Variants in CNTNAP4 observed in about 807,000 individuals in gnomAD.
The protein encoded by CNTNAP4 is contactin-associated protein-like 4.
In CNTNAP4, 98 loss-of-function variants were observed where a neutral mutation model predicts 148.4. The observed-to-expected ratio is 0.66, with a 90% confidence interval of 0.56 to 0.78. The LOEUF (loss-of-function observed/expected upper bound fraction) is 0.78. Among genes scored for constraint, CNTNAP4 ranks in the 30% least tolerant of loss-of-function variants. The pLI, the probability that CNTNAP4 is intolerant of heterozygous loss-of-function variation, is 0.00. For synonymous variants in CNTNAP4, 730 were observed against 565.1 expected (o/e 1.29, Z -4.14); for missense variants, 1,935 against 1,565.6 (o/e 1.24, Z -3.98).
intron 15 of CNTNAP4, among the ~76,000 whole-genome samples, chr16:76,503,369 A>G (rs2082724010): frequency 6.6e-6 from 1 of 152,144 alleles, no homozygotes; most frequent in South Asian, 2.1e-4. Context: ...AGTGGCAAAA[A>G]CTGCAATTAC....
intron 4 of CNTNAP4, among the ~76,000 whole-genome samples, chr16:76,428,491 G>T (rs2145055607): frequency 6.6e-6 from 1 of 150,976 alleles, no homozygotes; most frequent in East Asian, 2.0e-4. Flanking sequence ...CTGTCACTTT[G>T]TGATGTAAGC....
intron 12 of CNTNAP4, among the ~76,000 whole-genome samples, chr16:76,484,185 A>T (rs1257938480): frequency 6.7e-6 from 1 of 148,660 alleles, no homozygotes; most frequent in African/African-American, 2.4e-5. Context: ...GTGTGTGGGG[A>T]AAGAGAGAGA....
chr16:76,503,899 A>G (rs12447315), intron 15 of CNTNAP4, among the ~76,000 whole-genome samples: 30,028 of 152,066 alleles, frequency 0.2, 3,243 homozygotes, highest in Admixed American at 0.32. Context: ...TTTTTATACT[A>G]GCACCAACAA....
intron 2 of CNTNAP4, among the ~76,000 whole-genome samples, chr16:76,344,059 G>A (rs564989795): frequency 6.6e-6 from 1 of 152,160 alleles, no homozygotes; most frequent in South Asian, 2.1e-4. Flanking sequence ...CATGCATAGG[G>A]GAATATTGTA....
chr16:76,384,312 G>A (rs1192289474), intron 3 of CNTNAP4, among the ~76,000 whole-genome samples: 2 of 152,068 alleles, frequency 1.3e-5, no homozygotes, highest in African/African-American at 4.8e-5. Flanking sequence ...AAAGTGCTGG[G>A]ATTACAGGCT....
At chr16:76,413,987 C>T (rs1029248414) in intron 3 of CNTNAP4, among the ~76,000 whole-genome samples, 41 of 151,220 alleles carry the variant, frequency 2.7e-4, no homozygotes, top group African/African-American at 9.7e-4. Flanking sequence ...CATTTGCACT[C>T]ATACACCTAT....
intron 8 of CNTNAP4, among the ~76,000 whole-genome samples, chr16:76,457,624 T>A (rs1216385865): frequency 2.0e-5 from 3 of 152,108 alleles, no homozygotes; most frequent in Non-Finnish European, 2.9e-5. Context: ...CTACTCAAAG[T>A]ATGGGTCCTG....
intron 21 of CNTNAP4, among the ~76,000 whole-genome samples, chr16:76,545,134 A>G (rs1017025773): frequency 6.6e-6 from 1 of 152,268 alleles, no homozygotes; most frequent in Admixed American, 6.5e-5. Flanking sequence ...CAAGAAAAGT[A>G]AAATCAAAAT....
intron 1 of CNTNAP4, among the ~76,000 whole-genome samples, chr16:76,278,701 A>C (rs1958575756): frequency 6.6e-6 from 1 of 152,230 alleles, no homozygotes; most frequent in Non-Finnish European, 1.5e-5. Flanking sequence ...GCTTTCCAAG[A>C]ACTGGCTATG....
In CNTNAP4 at chr16:76,522,629, C is replaced by A. The variant is rs1157902287; in HGVS notation, c.2755+372C>A. Among the ~76,000 whole-genome samples, 3 of 119,904 alleles carry A rather than the reference C, an allele frequency of 2.5e-5. No individual in the cohort carries two copies. In the Admixed American group the frequency reaches 2.5e-4, roughly 10 times the overall value. The allele number at this position is 119,904 out of a possible 152,430, so 78.7% of individuals were successfully genotyped here. ...TCTTTATTTCCTTCCTTCCTTCCTT[C>A]CTTCCTTCTTTCTTTCTTTTCTCTC... On this transcript the variant is annotated intron_variant, in intron 17 of 23. Coordinates refer to ENST00000611870, the MANE Select transcript of CNTNAP4 (RefSeq NM_033401.5).
chr16:76,363,027 C>G (rs1459435095), intron 3 of CNTNAP4, among the ~76,000 whole-genome samples: 1 of 151,012 alleles, frequency 6.6e-6, no homozygotes, highest in Admixed American at 6.6e-5. Flanking sequence ...TCAAGACCAG[C>G]CTGGGCAATA....
intron 15 of CNTNAP4, among the ~76,000 whole-genome samples, chr16:76,501,149 T>G (rs1353202415): frequency 1.3e-5 from 2 of 152,232 alleles, no homozygotes; most frequent in Non-Finnish European, 2.9e-5. Flanking sequence ...CTCTACTTCC[T>G]GTTCTACCAG....
chr16:76,491,412 T>C (rs1217161629), intron 13 of CNTNAP4, among the ~76,000 whole-genome samples: 22 of 152,328 alleles, frequency 1.4e-4, no homozygotes, highest in Non-Finnish European at 2.9e-5. Context: ...CAGTCTTTGT[T>C]TTCTTTTCTC....
At chr16:76,282,790 G>A (rs564995089) in intron 1 of CNTNAP4, among the ~76,000 whole-genome samples, 4 of 151,480 alleles carry the variant, frequency 2.6e-5, no homozygotes, top group African/African-American at 7.3e-5. Flanking sequence ...TTTTATTTAC[G>A]CTATACTTTT....
intron 21 of CNTNAP4, among the ~76,000 whole-genome samples, chr16:76,544,063 C>T (rs2084586901): frequency 6.6e-6 from 1 of 152,124 alleles, no homozygotes; most frequent in Non-Finnish European, 1.5e-5. Flanking sequence ...ACAAAATGTG[C>T]CTTTGTATCG....
At chr16:76,514,934 C>G (rs2083188026) in intron 15 of CNTNAP4, among the ~76,000 whole-genome samples, 1 of 152,106 alleles carries the variant, frequency 6.6e-6, no homozygotes, top group Non-Finnish European at 1.5e-5. Context: ...TTCACATCAG[C>G]ATTTCAACAT....
chr16:76,340,857 C>T (rs1198826816), intron 2 of CNTNAP4, among the ~76,000 whole-genome samples: 1 of 152,144 alleles, frequency 6.6e-6, no homozygotes, highest in Non-Finnish European at 1.5e-5. Context: ...TCTGCACTGC[C>T]AATCAGCAAT....
intron 3 of CNTNAP4, among the ~76,000 whole-genome samples, chr16:76,355,793 T>A (rs916368763): frequency 6.6e-6 from 1 of 151,786 alleles, no homozygotes; most frequent in Non-Finnish European, 1.5e-5. Context: ...TAAATAAGAC[T>A]TGTATAAAAA....
At chr16:76,489,221 A>G (rs971885078) in intron 12 of CNTNAP4, among the ~76,000 whole-genome samples, 1 of 152,142 alleles carries the variant, frequency 6.6e-6, no homozygotes, top group Non-Finnish European at 1.5e-5. Context: ...TTGAATTCTA[A>G]TATACATTTT....
Sources: gnomAD v4.1 joint callset for allele counts (sites outside exome capture counted in the v4.1 genomes callset) on GRCh38, gnomAD v4.1.1 for gene constraint, MANE v1.5 for transcripts, NCBI Gene and HGNC (gene_info 2026-07-23, HGNC 2026-07-21) for gene names.